NOTCH2: variants seen among roughly 807,000 people sequenced by gnomAD.
NOTCH2 encodes the protein neurogenic locus notch homolog protein 2.
A neutral mutation model predicts 235.8 loss-of-function variants in NOTCH2; 29 were observed. That is an observed-to-expected ratio of 0.12 (90% CI 0.09 to 0.17). The LOEUF (loss-of-function observed/expected upper bound fraction) is 0.17. Ranked by LOEUF, NOTCH2 falls within the 10% of genes least tolerant of loss-of-function variation. The probability of loss-of-function intolerance (pLI) is 1.00; values close to 1 mark genes in which losing one functional copy is unlikely to be tolerated. For missense variants in NOTCH2, 2,285 were observed against 3,150.2 expected, an observed-to-expected ratio of 0.73 and a Z score of 6.57; for synonymous variants, 1,086 against 1,141.5, an observed-to-expected ratio of 0.95 and a Z score of 0.98.
chr1:119,997,441 C>T (rs1325615683), intron 3 of NOTCH2, 109 bp from the exon 4 acceptor site: 6 of 1,024,104 alleles, frequency 5.9e-6, no homozygotes, highest in Middle Eastern at 2.1e-4. Context: ...GACCTCAACT[C>T]TTTGCATTTT....
chr1:119,922,315 G>A lies in NOTCH2; in HGVS notation c.5134C>T (p.Pro1712Ser), dbSNP rs763602870. ...RKRKHGSLWLPEGFTLRRDAS... is the reference protein window; with the variant it reads ...RKRKHGSLWLSEGFTLRRDAS... Reference sequence around the variant, plus strand: ...TCTCGGCGAAGAGTGAAACCTTCAGGCAGCCAGAGAGAGCCATGCTTACGC... The same window carrying A: ...TCTCGGCGAAGAGTGAAACCTTCAGACAGCCAGAGAGAGCCATGCTTACGC... The change falls in exon 28 of 34, where the codon CCT becomes TCT. Residue 1712 changes from proline (P) to serine (S), a missense_variant. This residue lies in a region of NOTCH2 where 1,173 missense variants were observed against 1,515.3 expected (regional missense o/e 0.77). Transcript: ENST00000256646. 6.2e-7 allele frequency: 1 copy of A among 1,614,146 alleles called. No homozygotes were observed. Among genetic ancestry groups the A allele is most frequent in the Non-Finnish European group, 8.5e-7 (1 of 1,180,032 alleles).
chr1:119,922,843 G>T, intron 26 of NOTCH2, 65 bp from the exon 27 acceptor site: 1 of 1,600,614 alleles, frequency 6.2e-7, no homozygotes. Context: ...GTGCAGGTCA[G>T]GCAGAACATG....
At chr1:120,000,569 C>T (rs1652710431) in intron 3 of NOTCH2, among the ~76,000 whole-genome samples, 1 of 142,382 alleles carries the variant, frequency 7.0e-6, no homozygotes, top group Non-Finnish European at 1.5e-5. Context: ...CAGAATCTTG[C>T]AGAACACACC....
At chr1:119,967,649 G>A (rs2101144299) in intron 7 of NOTCH2, 28 bp from the exon 8 acceptor site, 5 of 1,605,980 alleles carry the variant, frequency 3.1e-6, no homozygotes, top group Middle Eastern at 1.7e-4. Flanking sequence ...CAATTACTGG[G>A]ATCAAAGCAG....
In NOTCH2 at chr1:119,937,989, G is replaced by A. The variant is rs61752485; in HGVS notation, c.3205C>T (p.Arg1069Trp). ...GTACCTTTGTTTTTACATGGAGACC[G>A]ACTGCAGAGATTCACCAGGGTCTGA... is the stretch of plus-strand genomic sequence containing the variant. Reference protein sequence around the residue: ...NCQTLVNLCSRSPCKNKGTCV... With the variant: ...NCQTLVNLCSWSPCKNKGTCV... The change falls in exon 20 of 34, where the codon CGG becomes TGG. Residue 1069 changes from arginine (R) to tryptophan (W), a missense_variant. Physicochemically the swap from Arg to Trp is moderately radical, Grantham distance 101. This residue lies in a region of NOTCH2 where 1,173 missense variants were observed against 1,515.3 expected (regional missense o/e 0.77). Transcript: ENST00000256646. 17 of 1,614,018 alleles carry A rather than the reference G, an allele frequency of 1.1e-5. No individual in the cohort carries two copies. The highest frequency in any genetic ancestry group is 2.2e-5 in the East Asian group (1 of 44,894).
chr1:119,923,729 C>A lies in NOTCH2; in HGVS notation c.4767G>T (p.Val1589=), dbSNP rs1280532690. 1.1e-5 allele frequency: 17 copies of A among 1,614,188 alleles called. No homozygotes were observed. Among genetic ancestry groups the A allele is most frequent in the Non-Finnish European group, 1.3e-5 (15 of 1,180,020 alleles). ...CTGACTTCTCACCATAATAGGGGTA[C>A]ACCATGAGTTCCCCCTGGGAGTCCC... ...IKRDSQGELM[V]YPYYGEKSAA... is the part of the protein sequence containing the mutation. Residue 1589 remains valine (V), a synonymous_variant, in exon 26 of 34, where the codon GTG becomes GTT. Transcript: ENST00000256646.
At chr1:120,000,831 T>C (rs1553205198) in intron 3 of NOTCH2, among the ~76,000 whole-genome samples, 2 of 152,172 alleles carry the variant, frequency 1.3e-5, no homozygotes, top group African/African-American at 2.4e-5. Context: ...ATCGTCATGA[T>C]GGAGATAATG....
intron 5 of NOTCH2, among the ~76,000 whole-genome samples, chr1:119,974,080 G>A (rs1402976913): frequency 6.6e-6 from 1 of 152,110 alleles, no homozygotes; most frequent in Non-Finnish European, 1.5e-5. Context: ...GAAAGCAGGA[G>A]AGAGCACTAA....
intron 25 of NOTCH2, 40 bp downstream of exon 25, chr1:119,925,265 T>G (rs1475535584): frequency 9.3e-6 from 15 of 1,611,408 alleles, no homozygotes; most frequent in Non-Finnish European, 1.3e-5. Flanking sequence ...AGTGTGTTAG[T>G]GACAGTCCCC....
intron 3 of NOTCH2, among the ~76,000 whole-genome samples, chr1:120,003,332 A>G (rs1351299348): frequency 2.6e-5 from 4 of 151,400 alleles, no homozygotes; most frequent in African/African-American, 9.7e-5. Flanking sequence ...ATGTGAATTA[A>G]TACTTAACAA....
intron 13 of NOTCH2, 130 bp from the exon 14 acceptor site, chr1:119,953,818 A>T: frequency 1.2e-6 from 1 of 827,806 alleles, no homozygotes; most frequent in Non-Finnish European, 2.1e-6. Context: ...CTATCCTTGC[A>T]TCACCTTGCA....
chr1:119,929,109 C>T lies in NOTCH2; in HGVS notation c.3759G>A (p.Leu1253=), dbSNP rs143045192. 5.6e-6 allele frequency: 9 copies of T among 1,614,112 alleles called. No homozygotes were observed. The African/African-American group carries it at 8.0e-5, about 14-fold the overall frequency. ...CACAACGCTCCCCAGCAAAGCCAGG[C>T]AAGCAGCGACAACTGTAGCCTCCAA... ...DRIGGYSCRC[L]PGFAGERCEG... Residue 1253 remains leucine (L), a synonymous_variant, in exon 23 of 34, where the codon TTG becomes TTA. Coordinates refer to ENST00000256646, the MANE Select transcript of NOTCH2 (RefSeq NM_024408.4).
At chr1:119,970,719 G>C (rs1553200280) in intron 5 of NOTCH2, among the ~76,000 whole-genome samples, 1 of 152,162 alleles carries the variant, frequency 6.6e-6, no homozygotes, top group Non-Finnish European at 1.5e-5. Context: ...AAACAGTATA[G>C]GGCCAGATCA....
chr1:119,920,558 TG>T (rs1458523423), intron 29 of NOTCH2, among the ~76,000 whole-genome samples, 161 bp from the exon 30 acceptor site: 1 of 152,194 alleles, frequency 6.6e-6, no homozygotes, highest in Non-Finnish European at 1.5e-5. Flanking sequence ...GGCTTCCCAC[TG>T]CTCTCGTGAT....
chr1:119,944,878 A>AT lies in NOTCH2; in HGVS notation c.2753-3125dup, dbSNP rs1480725862. ...AAAGACTACACAAAATATTCAAGGG[A>AT]TTTTTTCAGACAGAAGGAAAATGAT... is the stretch of plus-strand genomic sequence containing the variant. On this transcript the variant is annotated intron_variant, in intron 17 of 33. Coordinates refer to ENST00000256646, the MANE Select transcript of NOTCH2 (RefSeq NM_024408.4). 5.3e-5 allele frequency among the ~76,000 whole-genome samples: 8 copies of AT among 152,164 alleles called. No individual in the cohort carries two copies. The East Asian group carries it at 5.8e-4, about 11-fold the overall frequency.
intron 1 of NOTCH2, chr1:120,068,746 C>T (rs1195416621): frequency 6.2e-5 from 21 of 340,118 alleles, no homozygotes; most frequent in Admixed American, 2.9e-4. Flanking sequence ...GCGAGCAGCA[C>T]ACACGGCTCC....
intron 16 of NOTCH2, 134 bp from the exon 17 acceptor site, chr1:119,948,700 G>T: frequency 9.6e-7 from 1 of 1,045,700 alleles, no homozygotes; most frequent in Non-Finnish European, 1.5e-6. Context: ...GCTTTAGGAA[G>T]TTCCAGGAAG....
At chr1:120,063,862 A>G (rs1353443528) in intron 1 of NOTCH2, among the ~76,000 whole-genome samples, 3 of 152,186 alleles carry the variant, frequency 2.0e-5, no homozygotes, top group Non-Finnish European at 2.9e-5. Context: ...ATCATAAGAG[A>G]GGTTAGGGAA....
At chr1:119,917,064 TAGGAGTTAGAAATAAGAAATAATAGGAAA>T (rs1649107549) in intron 33 of NOTCH2, among the ~76,000 whole-genome samples, 1 of 151,856 alleles carries the variant, frequency 6.6e-6, no homozygotes, top group Non-Finnish European at 1.5e-5. Flanking sequence ...AAGGTAGGAA[TAGGAGTTAGAAATAAGAAATAATAGGAAA>T]AGGAGTTAGA....
Sources: allele counts gnomAD v4.1 joint callset (sites outside exome capture counted in the v4.1 genomes callset), GRCh38; gene constraint gnomAD v4.1.1; regional missense constraint gnomAD v4.1.1; transcripts MANE v1.5; gene names NCBI Gene and HGNC (gene_info 2026-07-23, HGNC 2026-07-21).